Variants in FRY observed in about 807,000 individuals in gnomAD.
FRY encodes the protein protein furry homolog.
FRY carries 128 observed loss-of-function variants against 348.4 expected under a neutral mutation model. The observed-to-expected ratio is 0.37, with a 90% confidence interval of 0.32 to 0.43. FRY has a LOEUF of 0.43. Ranked by LOEUF, FRY falls within the 20% of genes least tolerant of loss-of-function variation. FRY has a pLI of 1.00. For missense variants in FRY, 2,736 were observed against 3,695.2 expected, an observed-to-expected ratio of 0.74 and a Z score of 6.73; for synonymous variants, 1,370 against 1,374.7, an observed-to-expected ratio of 1.00 and a Z score of 0.08.
chr13:32,114,316 A>C (rs1359773017), intron 3 of FRY, among the ~76,000 whole-genome samples: 1 of 152,200 alleles, frequency 6.6e-6, no homozygotes, highest in Non-Finnish European at 1.5e-5. Context: ...TACTTTTGTC[A>C]CAACTAAGAA....
rs150671414 is a variant in FRY at position 32,287,983 on chromosome 13, C to A, written c.8470-1650C>A. ...TGTTACATCTCTTAGCATGTTCTCC[C>A]TTTCTCATTTTAATTTATTTTATTT... On this transcript the variant is annotated intron_variant, in intron 58 of 60. Transcript: ENST00000542859. 1,961 of 343,748 alleles carry A rather than the reference C, an allele frequency of 5.7e-3. 19 individuals are homozygous for A. The highest frequency in any genetic ancestry group is 0.023 in the Middle Eastern group (56 of 2,412). 21.3% of individuals were successfully genotyped at this position (343,748 alleles called of 1,614,324 possible).
chr13:32,183,706 G>A lies in FRY; in HGVS notation c.3054+672G>A, dbSNP rs187869830. ...CTGGAGAATCACTTGAACCTGGGAG[G>A]TGGAGGTTGCAGTGAGCCGAGATCA... On this transcript the variant is annotated intron_variant, in intron 24 of 60. Coordinates refer to ENST00000542859, the MANE Select transcript of FRY (RefSeq NM_023037.3). Among the ~76,000 whole-genome samples the A allele has an allele frequency of 2.3e-3, 343 of 149,020 alleles. 4 individuals carry two copies. Among genetic ancestry groups the A allele is most frequent in the African/African-American group, 8.3e-3 (337 of 40,392 alleles).
At chr13:32,078,306 G>C (rs1394056161) in intron 1 of FRY, among the ~76,000 whole-genome samples, 1 of 152,170 alleles carries the variant, frequency 6.6e-6, no homozygotes, top group Non-Finnish European at 1.5e-5. Context: ...TATCTTTCAA[G>C]AGGTGTGTCC....
chr13:32,256,116 C>G (rs1887322312), intron 51 of FRY, among the ~76,000 whole-genome samples: 1 of 152,116 alleles, frequency 6.6e-6, no homozygotes, highest in African/African-American at 2.4e-5. Flanking sequence ...AAATATTATA[C>G]TAATGTTTTT....
intron 8 of FRY, among the ~76,000 whole-genome samples, chr13:32,133,768 C>CTTTTTTTTTTTTTTTTTTTTTTTT (rs34413710): frequency 1.9e-4 from 17 of 89,286 alleles, no homozygotes; most frequent in African/African-American, 5.2e-4. Context: ...TTCTTTCTTT[C>CTTTTTTTTTTTTTTTTTTTTTTTT]TTTTTTTTTT....
At chr13:32,227,385 A>G (rs1352110749) in intron 39 of FRY, among the ~76,000 whole-genome samples, 3 of 152,210 alleles carry the variant, frequency 2.0e-5, no homozygotes. Flanking sequence ...CCCTGAGGCT[A>G]CACTATAAGT....
At chr13:32,088,235 A>G (rs955301281) in intron 2 of FRY, among the ~76,000 whole-genome samples, 1 of 152,206 alleles carries the variant, frequency 6.6e-6, no homozygotes, top group Non-Finnish European at 1.5e-5. Context: ...GAGTAAAAGT[A>G]ATTTCATGTA....
chr13:32,098,257 A>G (rs1876896518), intron 2 of FRY, among the ~76,000 whole-genome samples: 1 of 152,124 alleles, frequency 6.6e-6, no homozygotes, highest in Non-Finnish European at 1.5e-5. Flanking sequence ...TTTAGATATA[A>G]TGAATAAATA....
intron 17 of FRY, among the ~76,000 whole-genome samples, chr13:32,167,649 T>A (rs1881814287): frequency 6.6e-6 from 1 of 152,222 alleles, no homozygotes; most frequent in African/African-American, 2.4e-5. Flanking sequence ...CACAAAATTA[T>A]GAACACTGTC....
chr13:32,089,399 G>T (rs1876102544), intron 2 of FRY, among the ~76,000 whole-genome samples: 1 of 152,064 alleles, frequency 6.6e-6, no homozygotes, highest in Admixed American at 6.5e-5. Context: ...GAATATTCCT[G>T]TAGGCTTTCC....
At position 32,299,117 on chromosome 13, in the gene FRY, T is replaced by C. The variant is rs2072109899; in HGVS notation, c.*3657T>C. On this transcript the variant is annotated 3_prime_UTR_variant, in exon 61 of 61. Transcript: ENST00000542859. The stretch of plus-strand genomic sequence containing the variant: ...GTTTTACCACAATAAAAATAATTTT[T>C]TTAAAGGATCATTCTGGCTGCTATG... The C allele has an allele frequency of 6.6e-6, 1 of 152,194 alleles. No homozygotes were observed. The highest frequency in any genetic ancestry group is 1.5e-5 in the Non-Finnish European group (1 of 68,040). The allele number at this position is 152,194 out of a possible 1,614,324, so 9.4% of individuals were successfully genotyped here.
intron 3 of FRY, among the ~76,000 whole-genome samples, chr13:32,116,149 T>G (rs1878288849): frequency 6.6e-6 from 1 of 152,090 alleles, no homozygotes; most frequent in South Asian, 2.1e-4. Flanking sequence ...ATTATGGACT[T>G]GAGATAAATT....
At chr13:32,220,275 TC>T (rs1434815797) in intron 36 of FRY, among the ~76,000 whole-genome samples, 1 of 152,248 alleles carries the variant, frequency 6.6e-6, no homozygotes, top group Non-Finnish European at 1.5e-5. Context: ...CTACCCTTGT[TC>T]TACTTCTGAA....
intron 35 of FRY, among the ~76,000 whole-genome samples, chr13:32,217,834 TTTG>T (rs564223134): frequency 2.0e-5 from 3 of 152,230 alleles, no homozygotes; most frequent in Non-Finnish European, 2.9e-5. Flanking sequence ...TTTTATTTTC[TTTG>T]TTGTTGTTGT....
intron 1 of FRY, among the ~76,000 whole-genome samples, chr13:32,059,933 G>A (rs1873846751): frequency 6.6e-6 from 1 of 152,134 alleles, no homozygotes; most frequent in Non-Finnish European, 1.5e-5. Context: ...AGTAGCATGG[G>A]GCATCTTTGC....
intron 41 of FRY, among the ~76,000 whole-genome samples, chr13:32,232,442 C>T (rs146792795): frequency 6.6e-6 from 1 of 152,290 alleles, no homozygotes; most frequent in Non-Finnish European, 1.5e-5. Context: ...GGCGGCATAG[C>T]TGCTGTAACA....
intron 21 of FRY, 144 bp from the exon 22 acceptor site, chr13:32,178,700 A>G: frequency 2.8e-6 from 2 of 702,508 alleles, no homozygotes; most frequent in Admixed American, 2.5e-5. Flanking sequence ...TTGACTTTTC[A>G]TCCAATGCAG....
intron 31 of FRY, among the ~76,000 whole-genome samples, chr13:32,208,137 G>A (rs1054958762): frequency 1.3e-5 from 2 of 152,184 alleles, no homozygotes; most frequent in Admixed American, 6.5e-5. Flanking sequence ...TGTCTCACAG[G>A]GGACACACAG....
intron 2 of FRY, among the ~76,000 whole-genome samples, chr13:32,098,654 A>T (rs1229455302): frequency 6.6e-6 from 1 of 152,004 alleles, no homozygotes; most frequent in Non-Finnish European, 1.5e-5. Flanking sequence ...GACAACACTC[A>T]TAAGAGGAAA....
Sources: gnomAD v4.1 joint callset for allele counts (sites outside exome capture counted in the v4.1 genomes callset) on GRCh38, gnomAD v4.1.1 for gene constraint, MANE v1.5 for transcripts, NCBI Gene and HGNC (gene_info 2026-07-23, HGNC 2026-07-21) for gene names.